Variants in XRCC4 observed in about 807,000 individuals in gnomAD.
XRCC4 encodes the protein X-ray repair cross complementing 4.
A neutral mutation model predicts 39.1 loss-of-function variants in XRCC4; 28 were observed. The observed-to-expected ratio is 0.72, with a 90% CI of 0.53 to 0.98. The LOEUF (loss-of-function observed/expected upper bound fraction) is 0.98, where lower values mean the gene tolerates loss of function less well. Among genes scored for constraint, XRCC4 ranks in the 50% least tolerant of loss-of-function variants. The pLI, the probability that XRCC4 is intolerant of heterozygous loss-of-function variation, is 0.00. For synonymous variants in XRCC4, 123 were observed against 126.4 expected, an observed-to-expected ratio of 0.97 and a Z score of 0.18; for missense variants, 350 against 376.4, an observed-to-expected ratio of 0.93 and a Z score of 0.58.
intron 1 of XRCC4, among the ~76,000 whole-genome samples, chr5:83,098,969 C>T (rs1745802919): frequency 6.6e-6 from 1 of 152,022 alleles, no homozygotes; most frequent in Non-Finnish European, 1.5e-5. Context: ...TATATATGTT[C>T]CTGTCTTTGA....
At chr5:83,149,712 G>A (rs901249535) in intron 3 of XRCC4, among the ~76,000 whole-genome samples, 2 of 152,100 alleles carry the variant, frequency 1.3e-5, no homozygotes, top group Non-Finnish European at 2.9e-5. Flanking sequence ...TATCTGGCAG[G>A]TTGTAAATAT....
chr5:83,080,307 A>G (rs1744877481), intron 1 of XRCC4, among the ~76,000 whole-genome samples: 1 of 152,114 alleles, frequency 6.6e-6, no homozygotes, highest in Non-Finnish European at 1.5e-5. Flanking sequence ...CGGGCAGATC[A>G]CTTGAGGTCA....
chr5:83,357,511 G>T (rs536416905), downstream of XRCC4, among the ~76,000 whole-genome samples: 28 of 152,176 alleles, frequency 1.8e-4, no homozygotes, highest in African/African-American at 6.3e-4. Flanking sequence ...TGAGAATACA[G>T]AAGGTACTGG....
Position 83,327,932 on chromosome 5 carries a change from A to G in XRCC4, c.894-25199A>G, listed in dbSNP as rs1188897169. Among the ~76,000 whole-genome samples, 16 of 152,142 alleles carry G rather than the reference A, an allele frequency of 1.1e-4. 1 individual carries two copies. The highest frequency in any genetic ancestry group is 1.0e-3 in the Admixed American group (16 of 15,250). On this transcript the variant is annotated intron_variant, in intron 7 of 7. Transcript: ENST00000396027. ...CTAGCCAGTGCATGCATAGCACAAA[A>G]AGAAATAAAATATATAAGTCTTGAA...
chr5:83,224,260 TTC>T (rs1752205806), intron 6 of XRCC4, among the ~76,000 whole-genome samples: 1 of 152,074 alleles, frequency 6.6e-6, no homozygotes, highest in Admixed American at 6.6e-5. Context: ...TTTTATTCTT[TTC>T]TGTTTCTCTT....
chr5:83,137,049 G>A (rs1214364364), intron 3 of XRCC4, among the ~76,000 whole-genome samples: 3 of 152,112 alleles, frequency 2.0e-5, no homozygotes, highest in East Asian at 3.9e-4. Context: ...AAGTCATCAA[G>A]TTGTGTACCT....
At chr5:83,313,408 T>C (rs930420023) in intron 7 of XRCC4, among the ~76,000 whole-genome samples, 10 of 152,152 alleles carry the variant, frequency 6.6e-5, no homozygotes, top group African/African-American at 2.4e-4. Flanking sequence ...TCTCGTTGTA[T>C]AGACTTTCCA....
chr5:83,291,634 T>C (rs977481310), intron 7 of XRCC4, among the ~76,000 whole-genome samples: 2 of 151,862 alleles, frequency 1.3e-5, no homozygotes, highest in Non-Finnish European at 2.9e-5. Flanking sequence ...CTATGTGTGC[T>C]CTACTTCTTT....
intron 3 of XRCC4, among the ~76,000 whole-genome samples, chr5:83,121,513 C>T (rs761495998): frequency 1.3e-5 from 2 of 152,198 alleles, no homozygotes; most frequent in Non-Finnish European, 2.9e-5. Context: ...ATTAGCATTT[C>T]CCTAATGTCT....
chr5:83,366,728 A>T, the XRCC4 span, among the ~76,000 whole-genome samples: 1 of 152,112 alleles, frequency 6.6e-6, no homozygotes, highest in Admixed American at 6.6e-5. Flanking sequence ...TCATTGCCAT[A>T]CTTTGAACAA....
intron 7 of XRCC4, among the ~76,000 whole-genome samples, chr5:83,286,605 G>C (rs1190263650): frequency 1.3e-5 from 2 of 152,174 alleles, no homozygotes; most frequent in South Asian, 2.1e-4. Flanking sequence ...ATTGGATGAA[G>C]CCCACCCATA....
Position 83,353,297 on chromosome 5 carries a change from T to G in XRCC4, c.*55T>G. The G allele has an allele frequency of 7.4e-7, 1 of 1,346,528 alleles. No homozygotes were observed. 83.4% of individuals were successfully genotyped at this position (1,346,528 alleles called of 1,614,324 possible). A position where few individuals can be genotyped will look rare whatever the true frequency, so the allele number is the denominator to read the frequency against. On this transcript the variant is annotated 3_prime_UTR_variant, in exon 8 of 8. Transcript: ENST00000396027. Reference sequence around the variant, plus strand: ...AGACTATGTTTTCTATTCATTTCTTTAAAATGAAAAAGGAGAATTTCAAGT... The same window carrying G: ...AGACTATGTTTTCTATTCATTTCTTGAAAATGAAAAAGGAGAATTTCAAGT...
In XRCC4 at chr5:83,242,108, A is replaced by G. The variant is rs543883102; in HGVS notation, c.746-16422A>G. ...ATTTAAAAAAAAAAAATTCACGTAT[A>G]AATGGATCCTCACAGTTCAAATCCA... On this transcript the variant is annotated intron_variant, in intron 6 of 7. Coordinates refer to ENST00000396027, the MANE Select transcript of XRCC4 (RefSeq NM_003401.5). 9.9e-5 allele frequency among the ~76,000 whole-genome samples: 15 copies of G among 151,784 alleles called. No homozygotes were observed. The South Asian group carries it at 3.1e-3, about 32-fold the overall frequency.
At chr5:83,206,195 T>C (rs1184554327) in intron 6 of XRCC4, among the ~76,000 whole-genome samples, 2 of 152,234 alleles carry the variant, frequency 1.3e-5, no homozygotes, top group South Asian at 2.1e-4. Context: ...GTCTGTGTAT[T>C]GTGTTAAGAA....
At position 83,206,369 on chromosome 5, in the gene XRCC4, G is replaced by A. The variant is rs16900231; in HGVS notation, c.745+1448G>A. ...GGCAGCAGGATTTGCTGATGAAGGG[G>A]TTATGACTGAGCAAATAAGACTGAG... On this transcript the variant is annotated intron_variant, in intron 6 of 7. Transcript: ENST00000396027. Among the ~76,000 whole-genome samples the A allele has an allele frequency of 9.5e-3, 1,444 of 152,250 alleles. 7 individuals carry two copies. Among genetic ancestry groups the A allele is most frequent in the Admixed American group, 0.015 (223 of 15,274 alleles).
intron 3 of XRCC4, among the ~76,000 whole-genome samples, chr5:83,125,754 G>C (rs1312469739): frequency 6.6e-6 from 1 of 152,088 alleles, no homozygotes. Flanking sequence ...AGGCCGAGGC[G>C]GGTGGATCAC....
intron 3 of XRCC4, among the ~76,000 whole-genome samples, chr5:83,142,691 G>GT (rs1748243838): frequency 2.0e-5 from 3 of 151,646 alleles, no homozygotes; most frequent in Non-Finnish European, 4.4e-5. Context: ...TTTTTTGTTT[G>GT]TTATTTTTTA....
intron 3 of XRCC4, among the ~76,000 whole-genome samples, chr5:83,117,528 T>C (rs1746785301): frequency 6.6e-6 from 1 of 152,152 alleles, no homozygotes; most frequent in Non-Finnish European, 1.5e-5. Context: ...GCTAGTCATT[T>C]AACCCTAATT....
At chr5:83,089,310 G>A (rs1448244478) in intron 1 of XRCC4, among the ~76,000 whole-genome samples, 2 of 152,202 alleles carry the variant, frequency 1.3e-5, no homozygotes. Flanking sequence ...GTGATTCAGT[G>A]TATGTAATTC....
Sources: allele counts gnomAD v4.1 joint callset (sites outside exome capture counted in the v4.1 genomes callset), GRCh38; gene constraint gnomAD v4.1.1; transcripts MANE v1.5; gene names NCBI Gene and HGNC (gene_info 2026-07-23, HGNC 2026-07-21).